TCF7L1: variants seen among roughly 807,000 people sequenced by gnomAD.
The protein encoded by TCF7L1 is transcription factor 7 like 1, also known as transcription factor 7-like 1.
A neutral mutation model predicts 63.7 loss-of-function variants in TCF7L1; 18 were observed. That is an observed-to-expected ratio of 0.28 (90% CI 0.20 to 0.42). The LOEUF (loss-of-function observed/expected upper bound fraction) is 0.42. Ranked by LOEUF, TCF7L1 falls within the 10% of genes least tolerant of loss-of-function variation. TCF7L1 has a pLI of 1.00. For synonymous variants in TCF7L1, 355 were observed against 340.9 expected, an observed-to-expected ratio of 1.04 and a Z score of -0.46; for missense variants, 654 against 779.3, an observed-to-expected ratio of 0.84 and a Z score of 1.91.
intron 3 of TCF7L1, among the ~76,000 whole-genome samples, chr2:85,270,217 C>T (rs2104355512): frequency 6.6e-6 from 1 of 152,362 alleles, no homozygotes; most frequent in South Asian, 2.1e-4. Context: ...TGCTTCCTTT[C>T]TCCTCAATAC....
At chr2:85,275,919 CAAA>C (rs10657618) in intron 3 of TCF7L1, among the ~76,000 whole-genome samples, 3 of 106,846 alleles carry the variant, frequency 2.8e-5, no homozygotes, top group Non-Finnish European at 3.6e-5. Context: ...GACTCCATCT[CAAA>C]AAAAAAAAAA....
chr2:85,135,663 G>T (rs1378390967), intron 3 of TCF7L1, among the ~76,000 whole-genome samples: 4 of 151,622 alleles, frequency 2.6e-5, no homozygotes, highest in Non-Finnish European at 5.9e-5. Context: ...GTTCAGCGGG[G>T]GCGCTACCAT....
At chr2:85,174,227 CG>C in intron 3 of TCF7L1, among the ~76,000 whole-genome samples, 1 of 152,268 alleles carries the variant, frequency 6.6e-6, no homozygotes. Flanking sequence ...TAAAGGGAAT[CG>C]TACAGTGTGT....
intron 3 of TCF7L1, among the ~76,000 whole-genome samples, chr2:85,258,741 A>G (rs1396164860): frequency 2.0e-5 from 3 of 152,182 alleles, no homozygotes; most frequent in Non-Finnish European, 2.9e-5. Flanking sequence ...CAAACCCTGC[A>G]GATATTGGGG....
intron 3 of TCF7L1, among the ~76,000 whole-genome samples, chr2:85,196,146 G>A (rs1364519535): frequency 6.6e-6 from 1 of 152,174 alleles, no homozygotes; most frequent in African/African-American, 2.4e-5. Context: ...GTCCTGCCAG[G>A]ACTCATACGA....
At chr2:85,149,687 G>A (rs1558616813) in intron 3 of TCF7L1, among the ~76,000 whole-genome samples, 1 of 152,064 alleles carries the variant, frequency 6.6e-6, no homozygotes, top group Non-Finnish European at 1.5e-5. Flanking sequence ...ATTACACCTG[G>A]CTAATTTTTG....
intron 3 of TCF7L1, among the ~76,000 whole-genome samples, chr2:85,152,651 T>C (rs937629641): frequency 1.5e-5 from 2 of 133,138 alleles, no homozygotes; most frequent in South Asian, 2.3e-4. Flanking sequence ...GCCAGGCTGG[T>C]CTTAAACTCT....
chr2:85,281,417 A>G lies in TCF7L1; in HGVS notation c.442-2078A>G, dbSNP rs1681419534. Reference sequence around the variant, plus strand: ...GGGTTTTGTGTGTGAAAATGCTTTGACAAGTGCAAATGTAGCACAAATGTT... The same window carrying G: ...GGGTTTTGTGTGTGAAAATGCTTTGGCAAGTGCAAATGTAGCACAAATGTT... On this transcript the variant is annotated intron_variant, in intron 3 of 11. Transcript: ENST00000282111. Among the ~76,000 whole-genome samples the G allele has an allele frequency of 1.3e-5, 2 of 152,228 alleles. 1 individual carries two copies. The highest frequency in any genetic ancestry group is 4.1e-4 in the South Asian group (2 of 4,832).
At chr2:85,222,139 C>T (rs563760630) in intron 3 of TCF7L1, among the ~76,000 whole-genome samples, 2 of 152,004 alleles carry the variant, frequency 1.3e-5, no homozygotes, top group South Asian at 2.1e-4. Context: ...GTCAGGAGTT[C>T]GAGACCAGCC....
intron 3 of TCF7L1, among the ~76,000 whole-genome samples, chr2:85,173,578 T>C (rs1035968018): frequency 3.9e-5 from 6 of 152,240 alleles, no homozygotes; most frequent in Admixed American, 3.9e-4. Flanking sequence ...TTTATGCCAG[T>C]TTTTGTTTTT....
intron 7 of TCF7L1, 109 bp from the exon 8 acceptor site, chr2:85,305,151 C>T: frequency 1.4e-6 from 2 of 1,456,752 alleles, no homozygotes; most frequent in South Asian, 1.1e-5. Flanking sequence ...AGACTCTGCC[C>T]CACGGACATG....
At chr2:85,199,061 C>T (rs1025061428) in intron 3 of TCF7L1, among the ~76,000 whole-genome samples, 1 of 152,196 alleles carries the variant, frequency 6.6e-6, no homozygotes, top group African/African-American at 2.4e-5. Context: ...TTTTCCCAGA[C>T]TGTGAGGCTC....
intron 3 of TCF7L1, among the ~76,000 whole-genome samples, chr2:85,267,434 G>A (rs1419817153): frequency 1.3e-5 from 2 of 151,450 alleles, no homozygotes; most frequent in Non-Finnish European, 2.9e-5. Context: ...TGGATCACTT[G>A]AGGTCAGGAG....
intron 3 of TCF7L1, among the ~76,000 whole-genome samples, chr2:85,139,033 G>A (rs559560298): frequency 3.8e-4 from 58 of 150,798 alleles, no homozygotes; most frequent in African/African-American, 1.4e-3. Context: ...TTTTTAGACA[G>A]GGTCTCACTC....
intron 3 of TCF7L1, among the ~76,000 whole-genome samples, chr2:85,216,835 G>A (rs1457978008): frequency 6.6e-6 from 1 of 152,216 alleles, no homozygotes; most frequent in Non-Finnish European, 1.5e-5. Flanking sequence ...AATGTCACCT[G>A]AAATACCTGA....
chr2:85,280,213 T>C (rs1681377807), intron 3 of TCF7L1, among the ~76,000 whole-genome samples: 2 of 152,118 alleles, frequency 1.3e-5, no homozygotes. Flanking sequence ...TCTGGAGATA[T>C]TTCTGATGAT....
chr2:85,192,082 A>G (rs1226613801), intron 3 of TCF7L1, among the ~76,000 whole-genome samples: 1 of 152,206 alleles, frequency 6.6e-6, no homozygotes, highest in African/African-American at 2.4e-5. Flanking sequence ...TGTTCCAGCT[A>G]TGTAGCCCTG....
chr2:85,173,594 G>C (rs1013348821), intron 3 of TCF7L1, among the ~76,000 whole-genome samples: 8 of 152,156 alleles, frequency 5.3e-5, no homozygotes, highest in African/African-American at 1.7e-4. Flanking sequence ...TTTTTCAAGA[G>C]ACAGGGATAT....
At chr2:85,297,858 C>T (rs544122549) in intron 4 of TCF7L1, among the ~76,000 whole-genome samples, 5 of 151,666 alleles carry the variant, frequency 3.3e-5, no homozygotes, top group South Asian at 2.1e-4. Flanking sequence ...CCTGCTCACC[C>T]CCTCTATATT....
Sources: allele counts gnomAD v4.1 joint callset (sites outside exome capture counted in the v4.1 genomes callset), GRCh38; gene constraint gnomAD v4.1.1; transcripts MANE v1.5; gene names NCBI Gene and HGNC (gene_info 2026-07-23, HGNC 2026-07-21).